Variants in HHLA1 observed in about 807,000 individuals in gnomAD.
HHLA1 encodes the protein HHLA1 neighbor of OC90, also known as HERV-H LTR-associating protein 1.
In HHLA1, 72 loss-of-function variants were observed where a neutral mutation model predicts 69.9. That is an observed-to-expected ratio of 1.03 (90% CI 0.85 to 1.25). The LOEUF is 1.25. HHLA1 is among the 50% of genes most tolerant of loss of function. The pLI, the probability that HHLA1 is intolerant of heterozygous loss-of-function variation, is 0.00. For missense variants in HHLA1, 685 were observed against 642.2 expected (o/e 1.07, Z -0.72); for synonymous variants, 252 against 233.2 (o/e 1.08, Z -0.73).
At chr8:132,066,070 C>T (rs1823433563) in intron 15 of HHLA1, 102 bp from the exon 16 acceptor site, 6 of 442,758 alleles carry the variant, frequency 1.4e-5, no homozygotes, top group Admixed American at 2.8e-5. Context: ...AACTATATGG[C>T]CAATTATTCA....
intron 5 of HHLA1, 125 bp from the exon 6 acceptor site, chr8:132,095,911 C>A: frequency 3.4e-6 from 2 of 588,302 alleles, no homozygotes; most frequent in Non-Finnish European, 2.9e-6. Context: ...AATAAAGAAA[C>A]AAACAAAAAA....
chr8:132,078,102 G>A, intron 11 of HHLA1, 131 bp from the exon 12 acceptor site: 1 of 1,011,348 alleles, frequency 9.9e-7, no homozygotes, highest in East Asian at 2.7e-5. Context: ...AAGTAATCCA[G>A]GGGCTTAAAC....
chr8:132,080,205 C>G (rs755754386), intron 10 of HHLA1: 1 of 633,468 alleles, frequency 1.6e-6, no homozygotes, highest in South Asian at 1.5e-5. Flanking sequence ...AGGAATTAGT[C>G]TCCTCCATAT....
At chr8:132,082,629 C>T (rs1257218760) in intron 10 of HHLA1, among the ~76,000 whole-genome samples, 1 of 152,084 alleles carries the variant, frequency 6.6e-6, no homozygotes, top group Non-Finnish European at 1.5e-5. Flanking sequence ...TGGTAATTTG[C>T]TGAGCCTAAT....
intron 7 of HHLA1, among the ~76,000 whole-genome samples, chr8:132,094,506 T>C (rs1823991587): frequency 6.6e-6 from 1 of 152,206 alleles, no homozygotes; most frequent in Non-Finnish European, 1.5e-5. Flanking sequence ...CTGGTCCTCA[T>C]GCTGCTGCTT....
intron 10 of HHLA1, among the ~76,000 whole-genome samples, chr8:132,083,922 G>A (rs1001070275): frequency 7.9e-5 from 12 of 152,142 alleles, no homozygotes; most frequent in African/African-American, 2.4e-4. Context: ...ATTTAATGTC[G>A]GGAGCAGATT....
intron 7 of HHLA1, among the ~76,000 whole-genome samples, chr8:132,090,655 C>T (rs1249722274): frequency 2.0e-5 from 3 of 152,130 alleles, no homozygotes; most frequent in African/African-American, 4.8e-5. Flanking sequence ...ATTTTAACCT[C>T]CTGGAGGGAG....
chr8:132,095,818 A>C, intron 5 of HHLA1, 32 bp from the exon 6 acceptor site: 1 of 1,371,704 alleles, frequency 7.3e-7, no homozygotes, highest in Non-Finnish European at 1.0e-6. Flanking sequence ...AGAGACAGAC[A>C]GATGCCTACT....
intron 5 of HHLA1, among the ~76,000 whole-genome samples, chr8:132,096,095 G>A (rs537464283): frequency 6.6e-6 from 1 of 152,260 alleles, no homozygotes; most frequent in Admixed American, 6.5e-5. Context: ...CAAACTTGGT[G>A]GCCTAAAACA....
At chr8:132,101,223 T>C in intron 3 of HHLA1, 1 of 1,550,520 alleles carries the variant, frequency 6.4e-7, no homozygotes. Flanking sequence ...GATTTAGGGC[T>C]GCCCGGGAAT....
At chr8:132,075,815 T>C (rs1023713961) in intron 14 of HHLA1, among the ~76,000 whole-genome samples, 1 of 152,158 alleles carries the variant, frequency 6.6e-6, no homozygotes, top group African/African-American at 2.4e-5. Context: ...GTGGGAAAGA[T>C]AAAAAAACAG....
chr8:132,073,523 T>C (rs946447127), intron 14 of HHLA1, among the ~76,000 whole-genome samples: 1 of 152,176 alleles, frequency 6.6e-6, no homozygotes, highest in African/African-American at 2.4e-5. Context: ...TCTTGTGAAG[T>C]AGACATCAGA....
intron 15 of HHLA1, among the ~76,000 whole-genome samples, chr8:132,066,358 G>A (rs753407096): frequency 6.6e-6 from 1 of 152,082 alleles, no homozygotes; most frequent in Non-Finnish European, 1.5e-5. Flanking sequence ...GCATACAAGA[G>A]GTGCTCAATA....
At chr8:132,102,329 T>G (rs1162836522) in intron 3 of HHLA1, among the ~76,000 whole-genome samples, 1 of 152,236 alleles carries the variant, frequency 6.6e-6, no homozygotes, top group East Asian at 1.9e-4. Context: ...TTAAGCCAAT[T>G]TGGCCTTTTG....
At position 132,079,935 on chromosome 8, in the gene HHLA1, T is replaced by C. The variant is rs1260175916; in HGVS notation, c.708A>G (p.Ser236=). ...TTTTCTGGCTTTTGGTTGTGGGCTT[T>C]GAAGTCCTGGCAGTTCCCCTGGTAG... ...GAATRGTART[S]KPTTKSQKTL... The change falls in exon 11 of 17, where the codon TCA becomes TCG. Residue 236 remains serine (S), a synonymous_variant. Coordinates refer to ENST00000414222, the MANE Select transcript of HHLA1 (RefSeq NM_001145095.3). 6.4e-7 allele frequency: 1 copy of C among 1,552,214 alleles called. No individual in the cohort carries two copies. Among genetic ancestry groups the C allele is most frequent in the African/African-American group, 1.4e-5 (1 of 73,026 alleles).
intron 12 of HHLA1, among the ~76,000 whole-genome samples, chr8:132,076,871 A>T (rs149222404): frequency 6.6e-6 from 1 of 152,032 alleles, no homozygotes; most frequent in Admixed American, 6.5e-5. Flanking sequence ...GCAAAGAAAA[A>T]ATGAGTTAAA....
At chr8:132,071,604 C>G in intron 14 of HHLA1, 111 bp from the exon 15 acceptor site, 1 of 952,174 alleles carries the variant, frequency 1.1e-6, no homozygotes, top group Non-Finnish European at 1.6e-6. Context: ...TCACGTAGCT[C>G]TGAGACAGAC....
intron 10 of HHLA1, chr8:132,080,622 C>G (rs1035965731): frequency 6.2e-6 from 1 of 161,198 alleles, no homozygotes; most frequent in African/African-American, 2.4e-5. Context: ...TTACTTCAGG[C>G]CATCTGGGCG....
At chr8:132,081,818 G>A (rs1823757294) in intron 10 of HHLA1, among the ~76,000 whole-genome samples, 1 of 152,164 alleles carries the variant, frequency 6.6e-6, no homozygotes, top group Admixed American at 6.5e-5. Context: ...AATCCCTGAG[G>A]AGTAGTAGAA....
Sources: gnomAD v4.1 joint callset for allele counts (sites outside exome capture counted in the v4.1 genomes callset) on GRCh38, gnomAD v4.1.1 for gene constraint, MANE v1.5 for transcripts, NCBI Gene and HGNC (gene_info 2026-07-23, HGNC 2026-07-21) for gene names.